The following KCNIP4 variants were observed in gnomAD, a reference collection of about 807,000 sequenced individuals.
The protein encoded by KCNIP4 is Kv channel-interacting protein 4.
KCNIP4 carries 12 observed loss-of-function variants against 34.0 expected under a neutral mutation model. The ratio of observed to expected loss-of-function variants is 0.35; its 90% CI spans 0.23 to 0.57. The LOEUF (loss-of-function observed/expected upper bound fraction) is 0.57. Ranked by LOEUF, KCNIP4 falls within the 20% of genes least tolerant of loss-of-function variation. The pLI, the probability that KCNIP4 is intolerant of heterozygous loss-of-function variation, is 0.83. For synonymous variants in KCNIP4, 124 were observed against 102.2 expected, an observed-to-expected ratio of 1.21 and a Z score of -1.29; for missense variants, 238 against 311.7, an observed-to-expected ratio of 0.76 and a Z score of 1.78.
chr4:20,984,078 C>T, intron 1 of KCNIP4: 2 of 1,279,146 alleles, frequency 1.6e-6, no homozygotes, highest in Non-Finnish European at 2.1e-6. Context: ...GCCGGCGGCC[C>T]CCCGGGGTGA....
intron 1 of KCNIP4, among the ~76,000 whole-genome samples, chr4:21,326,283 G>GAT (rs1457207390): frequency 8.2e-6 from 1 of 121,476 alleles, no homozygotes; most frequent in Non-Finnish European, 1.7e-5. Context: ...TCTAGAGTTG[G>GAT]ATATACATAT....
At chr4:21,673,397 G>C (rs1270250721) in intron 1 of KCNIP4, among the ~76,000 whole-genome samples, 1 of 151,992 alleles carries the variant, frequency 6.6e-6, no homozygotes, top group African/African-American at 2.4e-5. Flanking sequence ...GCTTCATCTT[G>C]ATTAAGTTCT....
intron 1 of KCNIP4, among the ~76,000 whole-genome samples, chr4:21,723,648 T>G (rs1714986925): frequency 6.6e-6 from 1 of 152,130 alleles, no homozygotes. Flanking sequence ...CATACATGGT[T>G]AAGGAATTAA....
At chr4:21,898,578 T>C (rs1441165776) in intron 1 of KCNIP4, among the ~76,000 whole-genome samples, 2 of 152,158 alleles carry the variant, frequency 1.3e-5, no homozygotes, top group Non-Finnish European at 2.9e-5. Flanking sequence ...GAGCCAGTCC[T>C]GGCAGGATTC....
Position 21,948,687 on chromosome 4 carries a change from C to G in KCNIP4, c.-56G>C, listed in dbSNP as rs1730641128. The G allele has an allele frequency of 1.3e-6, 2 of 1,589,696 alleles. No homozygotes were observed. Among genetic ancestry groups the G allele is most frequent in the Non-Finnish European group, 8.6e-7 (1 of 1,166,720 alleles). On this transcript the variant is annotated 5_prime_UTR_variant, in exon 1 of 9. Transcript: ENST00000382152. ...TCGAGAGTCCACCGGCCAGGGGCGT[C>G]TGTCCACGGGTCTGCACGGGAGCGC...
At chr4:21,851,640 G>A (rs1724403783) in intron 1 of KCNIP4, 1 of 152,128 alleles carries the variant, frequency 6.6e-6, no homozygotes, top group Non-Finnish European at 1.5e-5. Context: ...CCAAGGTAAG[G>A]GGGCACACCT....
At chr4:21,048,948 T>TA (rs1392872922) in intron 1 of KCNIP4, among the ~76,000 whole-genome samples, 1 of 137,454 alleles carries the variant, frequency 7.3e-6, no homozygotes, top group African/African-American at 2.8e-5. Flanking sequence ...GTTTATCTTT[T>TA]TTTTTTTTTT....
Position 21,714,785 on chromosome 4 carries a change from G to GACTATATTTT in KCNIP4, c.61+233785_61+233786insAAAATATAGT, listed in dbSNP as rs939238600. Among the ~76,000 whole-genome samples, 3 of 43,372 alleles carry GACTATATTTT rather than the reference G, an allele frequency of 6.9e-5. 1 individual carries two copies. Among genetic ancestry groups the GACTATATTTT allele is most frequent in the African/African-American group, 6.0e-4 (3 of 5,006 alleles). 28.5% of individuals were successfully genotyped at this position (43,372 alleles called of 152,430 possible). On this transcript the variant is annotated intron_variant, in intron 1 of 8. Transcript: ENST00000382152. ...AAGAATGTGTTAGTAATTTCCCTTT[G>GACTATATTTT]ATTATTTTATTTTATTTTATTTTAT...
intron 1 of KCNIP4, among the ~76,000 whole-genome samples, chr4:21,150,171 A>G (rs762724310): frequency 1.6e-4 from 24 of 152,190 alleles, no homozygotes; most frequent in Non-Finnish European, 3.1e-4. Context: ...GGCAGTGTGC[A>G]GGGATTGGAG....
chr4:20,783,589 T>C (rs1416845472), intron 3 of KCNIP4, among the ~76,000 whole-genome samples: 1 of 152,178 alleles, frequency 6.6e-6, no homozygotes, highest in East Asian at 1.9e-4. Context: ...ACCACACCCA[T>C]TATTTAAATT....
intron 1 of KCNIP4, among the ~76,000 whole-genome samples, chr4:21,884,203 T>C (rs763853420): frequency 1.3e-5 from 2 of 152,106 alleles, no homozygotes; most frequent in Non-Finnish European, 2.9e-5. Context: ...TACTTCCTAT[T>C]TGCTGGCGGC....
At chr4:21,552,773 G>A (rs933560051) in intron 1 of KCNIP4, among the ~76,000 whole-genome samples, 1 of 152,060 alleles carries the variant, frequency 6.6e-6, no homozygotes, top group Non-Finnish European at 1.5e-5. Flanking sequence ...AGCTTATCTT[G>A]CTGTAGAGCA....
chr4:20,823,567 G>T (rs1032752944), intron 3 of KCNIP4, among the ~76,000 whole-genome samples: 1 of 152,068 alleles, frequency 6.6e-6, no homozygotes, highest in Non-Finnish European at 1.5e-5. Context: ...ACACAAGAAA[G>T]CTTGCTTTCT....
At chr4:21,333,955 G>A (rs1715909093) in intron 1 of KCNIP4, among the ~76,000 whole-genome samples, 2 of 152,088 alleles carry the variant, frequency 1.3e-5, no homozygotes, top group Non-Finnish European at 2.9e-5. Context: ...TAGATTACAG[G>A]AAGTAATAAG....
At chr4:21,581,066 C>T (rs985129104) in intron 1 of KCNIP4, among the ~76,000 whole-genome samples, 2 of 152,000 alleles carry the variant, frequency 1.3e-5, no homozygotes, top group Admixed American at 1.3e-4. Context: ...CACTTGATGA[C>T]ATTAAGTATA....
At position 20,920,358 on chromosome 4, in the gene KCNIP4, A is replaced by C. The variant is rs566398482; in HGVS notation, c.62-37649T>G. Among the ~76,000 whole-genome samples, 9 of 152,342 alleles carry C rather than the reference A, an allele frequency of 5.9e-5. No homozygotes were observed. In the East Asian group the frequency reaches 1.7e-3, roughly 29 times the overall value. ...CTGTGCTAAGATTTTGAAATGATTA[A>C]AATTTGTATAATAACATTAATAATC... On this transcript the variant is annotated intron_variant, in intron 1 of 8. Transcript: ENST00000382152.
intron 2 of KCNIP4, among the ~76,000 whole-genome samples, chr4:20,859,952 T>C (rs968450777): frequency 4.6e-5 from 7 of 152,190 alleles, no homozygotes; most frequent in Admixed American, 2.6e-4. Context: ...TCCTTGCCTA[T>C]AAAGCATGAA....
In KCNIP4 at chr4:20,801,288, C is replaced by CAAA. The variant is rs34342812; in HGVS notation, c.289-42401_289-42399dup. ...AAAAGAAGTGCTTAAGGAAGTTTTTCAAAAAAAAAAAAAGAAAAGAAAAAA... is the reference window on the plus strand; with the variant it reads ...AAAAGAAGTGCTTAAGGAAGTTTTTCAAAAAAAAAAAAAAAAGAAAAGAAAAAA... On this transcript the variant is annotated intron_variant, in intron 3 of 8. Transcript: ENST00000382152. Among the ~76,000 whole-genome samples, 8 of 106,474 alleles carry CAAA rather than the reference C, an allele frequency of 7.5e-5. No individual in the cohort carries two copies. In the South Asian group the frequency reaches 7.9e-4, roughly 11 times the overall value. The allele number at this position is 106,474 out of a possible 152,430, so 69.9% of individuals were successfully genotyped here.
At chr4:20,743,402 G>T (rs1364354417) in intron 5 of KCNIP4, among the ~76,000 whole-genome samples, 1 of 152,146 alleles carries the variant, frequency 6.6e-6, no homozygotes, top group Non-Finnish European at 1.5e-5. Context: ...AAACAGCATG[G>T]TACTGGTACC....
Sources: gnomAD v4.1 joint callset for allele counts (sites outside exome capture counted in the v4.1 genomes callset) on GRCh38, gnomAD v4.1.1 for gene constraint, MANE v1.5 for transcripts, NCBI Gene and HGNC (gene_info 2026-07-23, HGNC 2026-07-21) for gene names.